The following SNRK variants were observed in gnomAD, a reference collection of about 807,000 sequenced individuals.
SNRK encodes the protein SNF related kinase.
A neutral mutation model predicts 48.2 loss-of-function variants in SNRK; 3 were observed. That is an observed-to-expected ratio of 0.06 (90% CI 0.03 to 0.16). SNRK has a LOEUF of 0.16. SNRK is among the 10% of genes least tolerant of loss of function. SNRK has a pLI of 1.00. For synonymous variants in SNRK, 376 were observed against 366.1 expected, an observed-to-expected ratio of 1.03 and a Z score of -0.31; for missense variants, 627 against 976.0, an observed-to-expected ratio of 0.64 and a Z score of 4.76.
At chr3:43,296,658 G>C (rs2090858300) in intron 1 of SNRK, among the ~76,000 whole-genome samples, 1 of 151,940 alleles carries the variant, frequency 6.6e-6, no homozygotes, top group Admixed American at 6.6e-5. Flanking sequence ...ATACTGTTTT[G>C]TCCCTACCTC....
intron 3 of SNRK, among the ~76,000 whole-genome samples, chr3:43,321,403 T>G (rs192736717): frequency 1.8e-4 from 27 of 152,272 alleles, no homozygotes; most frequent in Admixed American, 9.8e-4. Context: ...CATTTACCAG[T>G]TTTTGAGTTG....
chr3:43,316,016 C>T (rs1327219645), intron 3 of SNRK, among the ~76,000 whole-genome samples: 1 of 151,536 alleles, frequency 6.6e-6, no homozygotes, highest in African/African-American at 2.4e-5. Context: ...CTGGCATAAA[C>T]CCTCTGTAAA....
Position 43,348,513 on chromosome 3 carries a change from C to A in SNRK, c.2254C>A (p.Leu752Met). The A allele has an allele frequency of 6.4e-7, 1 of 1,563,818 alleles. No individual in the cohort carries two copies. Residue 752 changes from leucine to methionine, a missense_variant, in exon 7 of 7, where the codon CTG (leucine) becomes ATG (methionine). This residue lies in a region of SNRK where 207 missense variants were observed against 234.3 expected (regional missense o/e 0.88). Coordinates refer to ENST00000296088, the MANE Select transcript of SNRK (RefSeq NM_017719.5). Reference protein sequence around the residue: ...VNIQRNPKEGLLCASSPASCC... With the variant: ...VNIQRNPKEGMLCASSPASCC... ...CATCCAGCGGAACCCTAAGGAGGGGCTGCTGTGCGCATCCAGCCCAGCCAG... is the reference window on the plus strand; with the variant it reads ...CATCCAGCGGAACCCTAAGGAGGGGATGCTGTGCGCATCCAGCCCAGCCAG...
At chr3:43,323,037 A>G (rs2091067451) in intron 3 of SNRK, among the ~76,000 whole-genome samples, 2 of 151,706 alleles carry the variant, frequency 1.3e-5, no homozygotes, top group Non-Finnish European at 2.9e-5. Flanking sequence ...AAACCTACAC[A>G]TATGTGGCCA....
intron 1 of SNRK, among the ~76,000 whole-genome samples, chr3:43,298,447 C>G (rs927933355): frequency 6.6e-5 from 10 of 152,202 alleles, no homozygotes; most frequent in Admixed American, 1.3e-4. Context: ...AGATATGGAC[C>G]TGTGCCCATG....
intron 3 of SNRK, among the ~76,000 whole-genome samples, chr3:43,329,094 G>T (rs748783616): frequency 3.0e-4 from 46 of 152,148 alleles, no homozygotes; most frequent in Non-Finnish European, 5.6e-4. Flanking sequence ...AAGTCGTAGC[G>T]CTCTGTTGAG....
intron 1 of SNRK, among the ~76,000 whole-genome samples, chr3:43,297,024 G>C (rs1049934329): frequency 1.3e-5 from 2 of 152,124 alleles, no homozygotes; most frequent in Admixed American, 6.5e-5. Context: ...TTTCATTTAG[G>C]TCCAGCCTAG....
At chr3:43,331,854 G>T (rs974604159) in intron 3 of SNRK, among the ~76,000 whole-genome samples, 1 of 152,168 alleles carries the variant, frequency 6.6e-6, no homozygotes. Flanking sequence ...GGGAAAAATA[G>T]CAGTGTGTTG....
At chr3:43,337,967 C>T (rs1333245525) in intron 4 of SNRK, among the ~76,000 whole-genome samples, 1 of 152,170 alleles carries the variant, frequency 6.6e-6, no homozygotes, top group Non-Finnish European at 1.5e-5. Flanking sequence ...CCAGGCTGGT[C>T]TGAGACTCCT....
chr3:43,313,131 CAG>C (rs2090990771), intron 3 of SNRK, among the ~76,000 whole-genome samples: 1 of 152,150 alleles, frequency 6.6e-6, no homozygotes, highest in African/African-American at 2.4e-5. Flanking sequence ...ATCACTACCA[CAG>C]ACACTCTGAA....
intron 6 of SNRK, among the ~76,000 whole-genome samples, chr3:43,346,327 C>G (rs781035743): frequency 2.8e-4 from 42 of 152,272 alleles, no homozygotes; most frequent in South Asian, 6.2e-4. Context: ...ACAGTGGCCA[C>G]TGGTAAAATT....
rs752044044 is a variant in SNRK, at chr3:43,303,053, G to A, written c.-106-45G>A. On this transcript the variant is annotated intron_variant, in intron 2 of 6. Coordinates refer to ENST00000296088, the MANE Select transcript of SNRK (RefSeq NM_017719.5). This position sits in a 1 kb window ranked among gnomAD's most constrained non-coding sequence, Gnocchi z 6.2. ...ATGAAGTGATTTTAAAGTTTGTGAA[G>A]AAAAGTCGCAGAAACTTAATTTTGT... 98 of 516,440 alleles carry A rather than the reference G, an allele frequency of 1.9e-4. 1 individual carries two copies. The highest frequency in any genetic ancestry group is 8.6e-4 in the Admixed American group (23 of 26,606). The allele number at this position is 516,440 out of a possible 1,614,324, so 32.0% of individuals were successfully genotyped here. A position where few individuals can be genotyped will look rare whatever the true frequency, so the allele number is the denominator to read the frequency against.
At chr3:43,293,854 G>A (rs545262882) in intron 1 of SNRK, among the ~76,000 whole-genome samples, 1 of 152,212 alleles carries the variant, frequency 6.6e-6, no homozygotes, top group South Asian at 2.1e-4. Context: ...GGGAGGTTGA[G>A]GTTGCATTGA....
intron 4 of SNRK, among the ~76,000 whole-genome samples, chr3:43,339,044 T>C (rs2091212528): frequency 1.3e-5 from 2 of 152,230 alleles, no homozygotes; most frequent in Admixed American, 6.5e-5. Flanking sequence ...TTTTGACTGA[T>C]ATTCTTTGTA....
chr3:43,335,915 TTTC>T (rs2091184406), intron 4 of SNRK, among the ~76,000 whole-genome samples: 1 of 152,230 alleles, frequency 6.6e-6, no homozygotes, highest in African/African-American at 2.4e-5. Context: ...AGAGTTTTTC[TTTC>T]TTTTCTTAAA....
intron 1 of SNRK, among the ~76,000 whole-genome samples, chr3:43,289,480 T>C (rs2090793047): frequency 6.6e-6 from 1 of 152,210 alleles, no homozygotes; most frequent in Admixed American, 6.5e-5. Context: ...TGTTTTGTTT[T>C]GTTTTAACTT....
intron 3 of SNRK, among the ~76,000 whole-genome samples, chr3:43,321,893 G>T (rs1407027333): frequency 1.3e-5 from 2 of 152,242 alleles, no homozygotes; most frequent in East Asian, 3.8e-4. Flanking sequence ...TAATGAGCAG[G>T]TGAATTTTGG....
rs140293140 is a variant in SNRK at position 43,350,144 on chromosome 3, A to G, written c.*1587A>G. On this transcript the variant is annotated 3_prime_UTR_variant, in exon 7 of 7. Coordinates refer to ENST00000296088, the MANE Select transcript of SNRK (RefSeq NM_017719.5). ...AGTAAAAATGATACTTAAAATACTT[A>G]TTTTACTTTCTAGACCTAGGCTAGA... The G allele has an allele frequency of 8.3e-3, 1,263 of 152,752 alleles. 20 individuals carry two copies. The highest frequency in any genetic ancestry group is 9.4e-3 in the Non-Finnish European group (638 of 68,028). 9.5% of individuals were successfully genotyped at this position (152,752 alleles called of 1,614,324 possible). A position where few individuals can be genotyped will look rare whatever the true frequency, so the allele number is the denominator to read the frequency against.
At position 43,332,213 on chromosome 3, in the gene SNRK, C is replaced by A; in HGVS notation, c.634C>A (p.Gln212Lys). The change falls in exon 4 of 7, where the codon CAG becomes AAG. Residue 212 changes from glutamine to lysine, a missense_variant. Transcript: ENST00000296088. ...GATCCTTTTCATGTTGGTGTGTGGG[C>A]AGCCGCCCTTTCAAGAAGCCAATGA... Reference protein sequence around the residue: ...GVILFMLVCGQPPFQEANDSE... With the variant: ...GVILFMLVCGKPPFQEANDSE... 6.2e-7 allele frequency: 1 copy of A among 1,601,424 alleles called. No individual in the cohort carries two copies. Among genetic ancestry groups the A allele is most frequent in the Non-Finnish European group, 8.5e-7 (1 of 1,174,108 alleles).
Sources: allele counts gnomAD v4.1 joint callset (sites outside exome capture counted in the v4.1 genomes callset), GRCh38; gene constraint gnomAD v4.1.1; regional missense constraint gnomAD v4.1.1; non-coding constraint Gnocchi (gnomAD v3.1); transcripts MANE v1.5; gene names NCBI Gene and HGNC (gene_info 2026-07-23, HGNC 2026-07-21).